The following FHAD1 variants were observed in gnomAD, a reference collection of about 807,000 sequenced individuals.
FHAD1 encodes the protein forkhead-associated domain-containing protein 1.
FHAD1 carries 146 observed loss-of-function variants against 191.3 expected under a neutral mutation model. The ratio of observed to expected loss-of-function variants is 0.76; its 90% CI spans 0.67 to 0.88. The LOEUF (loss-of-function observed/expected upper bound fraction) is 0.88, where lower values mean the gene tolerates loss of function less well. Among genes scored for constraint, FHAD1 ranks in the 40% least tolerant of loss-of-function variants. The pLI is 0.00. For synonymous variants in FHAD1, 616 were observed against 672.3 expected (o/e 0.92, Z 1.29); for missense variants, 1,635 against 1,785.8 (o/e 0.92, Z 1.52).
rs1485456637 is a variant in FHAD1 at position 15,289,397 on chromosome 1, A to C, written c.301-2A>C. 6.4e-7 allele frequency: 1 copy of C among 1,551,158 alleles called. No homozygotes were observed. Among genetic ancestry groups the C allele is most frequent in the Non-Finnish European group, 8.7e-7 (1 of 1,146,798 alleles). On this transcript the variant is annotated splice_acceptor_variant, in intron 3 of 33. Coordinates refer to ENST00000688493, the MANE Select transcript of FHAD1 (RefSeq NM_001391957.1). LOFTEE classifies it high-confidence loss of function. This position sits in a 1 kb window ranked among gnomAD's most constrained non-coding sequence, Gnocchi z 4.2. ...TCCCCTGACCCTTGTCTGCCCCTGC[A>C]GGTCTCTTTCCCATGGATGAGGGGC... is the stretch of plus-strand genomic sequence containing the variant.
intron 13 of FHAD1, 171 bp downstream of exon 13, chr1:15,328,600 T>TA (rs1679881252): frequency 1.9e-6 from 1 of 538,024 alleles, no homozygotes; most frequent in Non-Finnish European, 3.0e-6. Context: ...ACAAAGGGCC[T>TA]AAAAAAATGC....
chr1:15,309,167 C>A (rs1018361374), intron 7 of FHAD1, among the ~76,000 whole-genome samples: 1 of 152,124 alleles, frequency 6.6e-6, no homozygotes, highest in Non-Finnish European at 1.5e-5. Flanking sequence ...GCTCTTGGGC[C>A]GGAGCGAAAG....
chr1:15,251,710 G>A, intron 1 of FHAD1, 61 bp from the exon 2 acceptor site: 5 of 1,276,078 alleles, frequency 3.9e-6, no homozygotes, highest in Non-Finnish European at 5.5e-6. Context: ...TAAGTATGAT[G>A]TTGTTGAATA....
At position 15,358,189 on chromosome 1, in the gene FHAD1, A is replaced by G. The variant is rs1413648633; in HGVS notation, c.2642A>G (p.Gln881Arg). The G allele has an allele frequency of 6.5e-7, 1 of 1,540,434 alleles. No homozygotes were observed. The highest frequency in any genetic ancestry group is 2.1e-5 in the Admixed American group (1 of 46,948). Residue 881 changes from glutamine (Q) to arginine (R), a missense_variant, in exon 21 of 34, where the codon CAG (glutamine) becomes CGG (arginine). Physicochemically the swap from Gln to Arg is conservative, Grantham distance 43. Coordinates refer to ENST00000688493, the MANE Select transcript of FHAD1 (RefSeq NM_001391957.1). ...SDALAMVEET[Q>R]KTKATESLKA... is the part of the protein sequence containing the mutation. ...GCACTGGCCATGGTTGAAGAGACTC[A>G]GAAAACAAAGGCAACTGAAAGTCTA...
chr1:15,304,104 A>G (rs766501598), intron 6 of FHAD1, among the ~76,000 whole-genome samples: 17 of 152,206 alleles, frequency 1.1e-4, no homozygotes, highest in Non-Finnish European at 1.8e-4. Flanking sequence ...TGATTACTTT[A>G]TTCTCCTGGG....
intron 13 of FHAD1, 121 bp downstream of exon 13, chr1:15,328,550 C>A: frequency 1.2e-6 from 1 of 821,442 alleles, no homozygotes; most frequent in Non-Finnish European, 1.7e-6. Context: ...TTTCTATCCA[C>A]TTTTTCCTCT....
rs1553230993 is a variant in FHAD1, at chr1:15,265,988, A to AAG, written c.94-6324_94-6323dup. 2.9e-3 allele frequency among the ~76,000 whole-genome samples: 422 copies of AAG among 147,674 alleles called. 7 individuals are homozygous for AAG. Among genetic ancestry groups the AAG allele is most frequent in the South Asian group, 0.011 (48 of 4,238 alleles). The stretch of plus-strand genomic sequence containing the variant: ...TCCATCTCAAAAAAAAAAAAAAAAA[A>AAG]AGAGAGAGAGAGTTCTTAGAGCACA... On this transcript the variant is annotated intron_variant, in intron 2 of 33. Transcript: ENST00000688493.
downstream of FHAD1, among the ~76,000 whole-genome samples, chr1:15,402,290 A>T (rs7547778): frequency 0.023 from 3,468 of 152,334 alleles, 55 homozygotes; most frequent in African/African-American, 0.035. Flanking sequence ...AGTTGGAATC[A>T]TTAATTTACT....
chr1:15,261,240 T>C (rs1400843849), intron 2 of FHAD1, among the ~76,000 whole-genome samples: 1 of 152,088 alleles, frequency 6.6e-6, no homozygotes, highest in Non-Finnish European at 1.5e-5. Flanking sequence ...GATGAGGAAG[T>C]TGTGGCACAG....
chr1:15,379,898 G>T (rs1360524661), intron 28 of FHAD1, among the ~76,000 whole-genome samples: 1 of 152,320 alleles, frequency 6.6e-6, no homozygotes, highest in East Asian at 1.9e-4. Flanking sequence ...TCTTAGTACA[G>T]AACGAAATGG....
At chr1:15,347,738 C>T (rs554954467) in intron 18 of FHAD1, among the ~76,000 whole-genome samples, 8 of 152,322 alleles carry the variant, frequency 5.3e-5, no homozygotes, top group African/African-American at 1.4e-4. Context: ...CGTGAGCCAC[C>T]GCTCCCGGCC....
At chr1:15,370,107 G>A (rs546584187) in intron 26 of FHAD1, among the ~76,000 whole-genome samples, 4 of 152,106 alleles carry the variant, frequency 2.6e-5, no homozygotes, top group African/African-American at 7.2e-5. Flanking sequence ...CTCCCTAGTA[G>A]CTGGGACTAC....
chr1:15,345,624 C>T, intron 18 of FHAD1, 101 bp downstream of exon 18: 2 of 961,760 alleles, frequency 2.1e-6, no homozygotes, highest in South Asian at 2.9e-5. Context: ...CGTGGTGGAG[C>T]CTTCCTCGTG....
chr1:15,269,598 T>C (rs1201283211), intron 2 of FHAD1, among the ~76,000 whole-genome samples: 1 of 152,186 alleles, frequency 6.6e-6, no homozygotes, highest in Non-Finnish European at 1.5e-5. Context: ...GCTTAGTGAG[T>C]GTTCCATGTC....
intron 19 of FHAD1, 84 bp from the exon 20 acceptor site, chr1:15,352,793 C>A: frequency 9.9e-7 from 1 of 1,014,288 alleles, no homozygotes; most frequent in Non-Finnish European, 1.5e-6. Flanking sequence ...TGGTGGCTTC[C>A]ACGGTGACTC....
chr1:15,315,485 C>CTTTT (rs34261315), intron 8 of FHAD1, among the ~76,000 whole-genome samples: 6 of 121,142 alleles, frequency 5.0e-5, no homozygotes, highest in South Asian at 2.6e-4. Flanking sequence ...TGGGTGTTTC[C>CTTTT]TTTTTTTTTT....
intron 2 of FHAD1, 29 bp downstream of exon 2, chr1:15,251,906 C>A: frequency 6.6e-7 from 1 of 1,516,774 alleles, no homozygotes; most frequent in South Asian, 1.2e-5. Flanking sequence ...TGTTCCCGTC[C>A]CCTCCCTGAC....
At chr1:15,259,494 T>G (rs1457922848) in intron 2 of FHAD1, among the ~76,000 whole-genome samples, 1 of 152,166 alleles carries the variant, frequency 6.6e-6, no homozygotes. Flanking sequence ...ATTGTTTGGT[T>G]GTAAATTTGG....
At chr1:15,301,632 G>A (rs1324394624) in intron 6 of FHAD1, among the ~76,000 whole-genome samples, 191 bp downstream of exon 6, 1 of 152,250 alleles carries the variant, frequency 6.6e-6, no homozygotes, top group Admixed American at 6.5e-5. Flanking sequence ...ATCAGCCTTT[G>A]TTCAGCACTG....
Sources: gnomAD v4.1 joint callset for allele counts (sites outside exome capture counted in the v4.1 genomes callset) on GRCh38, gnomAD v4.1.1 for gene constraint, Gnocchi (gnomAD v3.1) non-coding constraint, MANE v1.5 for transcripts, NCBI Gene and HGNC (gene_info 2026-07-23, HGNC 2026-07-21) for gene names.